ZZZ3: variants seen among roughly 807,000 people sequenced by gnomAD.
ZZZ3 encodes ZZ-type zinc finger-containing protein 3.
A neutral mutation model predicts 95.2 loss-of-function variants in ZZZ3; 22 were observed. The observed-to-expected ratio is 0.23, with a 90% confidence interval of 0.17 to 0.33. The LOEUF is 0.33. Among genes scored for constraint, ZZZ3 ranks in the 10% least tolerant of loss-of-function variants. The probability of loss-of-function intolerance (pLI) is 1.00; values close to 1 mark genes in which losing one functional copy is unlikely to be tolerated. For synonymous variants in ZZZ3, 335 were observed against 358.9 expected (o/e 0.93, Z 0.75); for missense variants, 885 against 1,066.5 (o/e 0.83, Z 2.37).
intron 4 of ZZZ3, among the ~76,000 whole-genome samples, chr1:77,634,024 G>C (rs1668068739): frequency 6.6e-6 from 1 of 151,996 alleles, no homozygotes; most frequent in African/African-American, 2.4e-5. Flanking sequence ...ACAAAAATTA[G>C]CCAGGTGTGG....
chr1:77,652,377 C>T (rs1669888928), intron 1 of ZZZ3, among the ~76,000 whole-genome samples: 1 of 152,082 alleles, frequency 6.6e-6, no homozygotes, highest in African/African-American at 2.4e-5. Context: ...CAGGGATATG[C>T]AAATCAAAAC....
chr1:77,576,036 A>C, intron 12 of ZZZ3, 32 bp downstream of exon 12: 1 of 1,548,194 alleles, frequency 6.5e-7, no homozygotes, highest in Admixed American at 2.1e-5. Flanking sequence ...CTATACCTTG[A>C]TGTATATAAC....
intron 12 of ZZZ3, among the ~76,000 whole-genome samples, chr1:77,573,161 C>A (rs1661578488): frequency 6.6e-6 from 1 of 151,916 alleles, no homozygotes; most frequent in South Asian, 2.1e-4. Flanking sequence ...CCCTTGTTGC[C>A]CAGGCTGGAG....
At chr1:77,673,826 G>C (rs1348379196) in intron 1 of ZZZ3, among the ~76,000 whole-genome samples, 2 of 151,756 alleles carry the variant, frequency 1.3e-5, no homozygotes, top group African/African-American at 4.8e-5. Flanking sequence ...TTCTTGGTGG[G>C]GAGGCTCACA....
chr1:77,673,390 G>C (rs917090253), intron 1 of ZZZ3, among the ~76,000 whole-genome samples: 2 of 151,970 alleles, frequency 1.3e-5, no homozygotes, highest in Admixed American at 1.3e-4. Flanking sequence ...TGAGGTCAGG[G>C]GTTCGAAACC....
intron 1 of ZZZ3, among the ~76,000 whole-genome samples, chr1:77,650,436 C>T (rs1669696103): frequency 6.6e-6 from 1 of 151,950 alleles, no homozygotes; most frequent in Admixed American, 6.6e-5. Flanking sequence ...GAAATTAAAT[C>T]AGAAATCAGT....
intron 1 of ZZZ3, among the ~76,000 whole-genome samples, chr1:77,647,786 C>G (rs1459744119): frequency 1.3e-5 from 2 of 152,142 alleles, no homozygotes; most frequent in African/African-American, 4.8e-5. Context: ...TCAGGAACAA[C>G]TGGTTAACCT....
chr1:77,682,321 TC>T, intron 1 of ZZZ3, among the ~76,000 whole-genome samples: 1 of 152,306 alleles, frequency 6.6e-6, no homozygotes, highest in South Asian at 2.1e-4. Context: ...AGGAACGGTA[TC>T]CAATGGAATC....
intron 5 of ZZZ3, among the ~76,000 whole-genome samples, chr1:77,590,298 C>T (rs1194574960): frequency 6.6e-6 from 1 of 152,150 alleles, no homozygotes; most frequent in Non-Finnish European, 1.5e-5. Flanking sequence ...TGCTTGAACC[C>T]GGGAGGTAGA....
At chr1:77,660,542 T>C (rs1391118623) in intron 1 of ZZZ3, among the ~76,000 whole-genome samples, 1 of 152,228 alleles carries the variant, frequency 6.6e-6, no homozygotes, top group Non-Finnish European at 1.5e-5. Context: ...TGTGGCAACA[T>C]GTCAGAATCT....
chr1:77,665,543 G>C (rs1333003704), intron 1 of ZZZ3, among the ~76,000 whole-genome samples: 1 of 152,136 alleles, frequency 6.6e-6, no homozygotes, highest in Non-Finnish European at 1.5e-5. Flanking sequence ...TATAGACAAT[G>C]ATAGTTTCTA....
At chr1:77,575,983 C>T in intron 12 of ZZZ3, 85 bp downstream of exon 12, 1 of 1,143,618 alleles carries the variant, frequency 8.7e-7, no homozygotes, top group Non-Finnish European at 1.2e-6. Context: ...AAGAAACCAA[C>T]ATTCTCTGAA....
upstream of ZZZ3, among the ~76,000 whole-genome samples, chr1:77,683,093 CCGTCG>C (rs1672956029): frequency 3.6e-4 from 2 of 5,486 alleles, 1 homozygote; most frequent in South Asian, 0.067. Context: ...GGGGGCTTCG[CCGTCG>C]CAGCCGTCGC....
chr1:77,667,763 C>CTTTTTT (rs34939314), intron 1 of ZZZ3, among the ~76,000 whole-genome samples: 2 of 115,110 alleles, frequency 1.7e-5, no homozygotes, highest in Non-Finnish European at 1.8e-5. Context: ...AATGGGTATT[C>CTTTTTT]TTTTTTTTTT....
intron 1 of ZZZ3, among the ~76,000 whole-genome samples, chr1:77,670,451 G>T (rs1214716468): frequency 6.6e-6 from 1 of 151,942 alleles, no homozygotes; most frequent in East Asian, 1.9e-4. Flanking sequence ...TAGAGATGGG[G>T]TTTCGCCATG....
intron 6 of ZZZ3, among the ~76,000 whole-genome samples, chr1:77,583,043 T>TA (rs1261628400): frequency 6.6e-6 from 1 of 151,814 alleles, no homozygotes; most frequent in African/African-American, 2.4e-5. Flanking sequence ...AGGCGGAAGT[T>TA]ACAGTGAACT....
intron 1 of ZZZ3, among the ~76,000 whole-genome samples, chr1:77,669,757 C>A (rs1020847360): frequency 6.6e-6 from 1 of 151,944 alleles, no homozygotes; most frequent in Non-Finnish European, 1.5e-5. Context: ...TGCGCCCCGG[C>A]CTCTCCGTTT....
In ZZZ3 at chr1:77,632,110, T is replaced by C. The variant is rs142300734; in HGVS notation, c.1245A>G (p.Thr415=). ...FEENNLSPNE[T]NATVSDNVSQ... is the part of the protein sequence containing the mutation. The stretch of plus-strand genomic sequence containing the variant: ...TTACATTATCACTAACAGTTGCATT[T>C]GTTTCATTAGGACTAAGATTATTCT... Residue 415 remains threonine (T), a synonymous_variant, in exon 5 of 15, where the codon ACA becomes ACG. Coordinates refer to ENST00000370801, the MANE Select transcript of ZZZ3 (RefSeq NM_015534.6). 1.6e-3 allele frequency: 2,566 copies of C among 1,614,162 alleles called. 3 individuals are homozygous for C. Among genetic ancestry groups the C allele is most frequent in the Non-Finnish European group, 1.6e-3 (1,880 of 1,180,012 alleles).
At chr1:77,606,153 G>A (rs1665211729) in intron 5 of ZZZ3, among the ~76,000 whole-genome samples, 1 of 152,192 alleles carries the variant, frequency 6.6e-6, no homozygotes, top group Non-Finnish European at 1.5e-5. Context: ...TTGACTACAA[G>A]TTGACTGAAG....
Sources: gnomAD v4.1 joint callset for allele counts (sites outside exome capture counted in the v4.1 genomes callset) on GRCh38, gnomAD v4.1.1 for gene constraint, MANE v1.5 for transcripts, NCBI Gene and HGNC (gene_info 2026-07-23, HGNC 2026-07-21) for gene names.